Variants in FBXL5 observed in about 807,000 individuals in gnomAD.
FBXL5 encodes F-box and leucine rich repeat protein 5.
FBXL5 carries 26 observed loss-of-function variants against 78.3 expected under a neutral mutation model. The ratio of observed to expected loss-of-function variants is 0.33; its 90% CI spans 0.24 to 0.46. FBXL5 has a LOEUF of 0.46. FBXL5 is among the 20% of genes least tolerant of loss of function. FBXL5 has a pLI of 1.00. For synonymous variants in FBXL5, 295 were observed against 282.5 expected (o/e 1.04, Z -0.45); for missense variants, 710 against 829.2 (o/e 0.86, Z 1.77).
chr4:15,612,974 G>A (rs935157255), intron 9 of FBXL5, among the ~76,000 whole-genome samples: 1 of 152,106 alleles, frequency 6.6e-6, no homozygotes, highest in Non-Finnish European at 1.5e-5. Context: ...CTAATAAATG[G>A]ATAAATAAAA....
chr4:15,647,701 T>C (rs1010700975), intron 1 of FBXL5, among the ~76,000 whole-genome samples: 2 of 152,200 alleles, frequency 1.3e-5, no homozygotes, highest in African/African-American at 4.8e-5. Flanking sequence ...AGAATCTATA[T>C]CCAGCTAACC....
At chr4:15,642,020 T>A (rs115690300) in intron 2 of FBXL5, among the ~76,000 whole-genome samples, 13,474 of 151,308 alleles carry the variant, frequency 0.089, 765 homozygotes, top group Non-Finnish European at 0.12. Flanking sequence ...AGAGCAAGAC[T>A]CTGTCTTAAA....
chr4:15,637,901 T>C (rs990765092), intron 4 of FBXL5, among the ~76,000 whole-genome samples: 6 of 135,998 alleles, frequency 4.4e-5, no homozygotes, highest in Non-Finnish European at 8.1e-5. Flanking sequence ...ACTAGTTTTT[T>C]TAAAAAAAAA....
intron 9 of FBXL5, among the ~76,000 whole-genome samples, chr4:15,620,586 G>A (rs1176837794): frequency 6.6e-6 from 1 of 152,210 alleles, no homozygotes; most frequent in Non-Finnish European, 1.5e-5. Flanking sequence ...CATAATGCTG[G>A]AAATTCTAGT....
intron 1 of FBXL5, among the ~76,000 whole-genome samples, chr4:15,671,249 G>T (rs1348252601): frequency 6.6e-6 from 1 of 151,650 alleles, no homozygotes; most frequent in African/African-American, 2.4e-5. Context: ...AGGTTGACAG[G>T]GTTTTTCTCT....
chr4:15,676,698 G>A (rs1560254989), intron 1 of FBXL5, among the ~76,000 whole-genome samples: 1 of 151,958 alleles, frequency 6.6e-6, no homozygotes, highest in Non-Finnish European at 1.5e-5. Flanking sequence ...ATTACGGGGG[G>A]GAGGGGGAGG....
chr4:15,627,220 C>T (rs943714590), intron 7 of FBXL5, among the ~76,000 whole-genome samples: 1 of 150,850 alleles, frequency 6.6e-6, no homozygotes, highest in Non-Finnish European at 1.5e-5. Flanking sequence ...CTGCAACCTC[C>T]GCCTTCCGGG....
upstream of FBXL5, among the ~76,000 whole-genome samples, chr4:15,656,883 T>G (rs1329729032): frequency 6.6e-6 from 1 of 152,006 alleles, no homozygotes; most frequent in Non-Finnish European, 1.5e-5. Context: ...GACATTCTAG[T>G]AGTTGCCTAG....
At chr4:15,615,873 C>T (rs548803744) in intron 9 of FBXL5, among the ~76,000 whole-genome samples, 54 of 152,174 alleles carry the variant, frequency 3.5e-4, no homozygotes, top group African/African-American at 1.2e-3. Context: ...ATTGGCAACC[C>T]GCTCAGGTCC....
intron 3 of FBXL5, among the ~76,000 whole-genome samples, chr4:15,639,434 C>T (rs768106220): frequency 4.6e-5 from 7 of 152,212 alleles, no homozygotes; most frequent in Non-Finnish European, 8.8e-5. Context: ...AGACATTTAA[C>T]TTTTCAATAT....
At chr4:15,671,358 A>G (rs1717759097) in intron 1 of FBXL5, among the ~76,000 whole-genome samples, 1 of 152,176 alleles carries the variant, frequency 6.6e-6, no homozygotes, top group Non-Finnish European at 1.5e-5. Context: ...GTCACTTGAA[A>G]ACAGTACCTT....
At chr4:15,647,600 A>G (rs1014143230) in intron 1 of FBXL5, among the ~76,000 whole-genome samples, 1 of 152,228 alleles carries the variant, frequency 6.6e-6, no homozygotes, top group Non-Finnish European at 1.5e-5. Flanking sequence ...TTTAGATCTA[A>G]TAACACATTA....
chr4:15,650,220 G>A (rs944807805), intron 1 of FBXL5, among the ~76,000 whole-genome samples: 7 of 152,166 alleles, frequency 4.6e-5, no homozygotes, highest in Non-Finnish European at 8.8e-5. Flanking sequence ...GAAATCATCT[G>A]CCTCAAAATG....
intron 1 of FBXL5, among the ~76,000 whole-genome samples, chr4:15,649,576 C>T (rs187666666): frequency 6.7e-5 from 6 of 89,516 alleles, no homozygotes; most frequent in African/African-American, 2.5e-4. Context: ...AAGACTACGT[C>T]TCAAAAAAAA....
chr4:15,634,824 A>C (rs999118086), intron 5 of FBXL5, among the ~76,000 whole-genome samples: 7 of 152,176 alleles, frequency 4.6e-5, no homozygotes, highest in Non-Finnish European at 1.0e-4. Flanking sequence ...ATTCCTATCA[A>C]ATCGTGACAT....
At chr4:15,654,213 G>T (rs542974628) in intron 1 of FBXL5, among the ~76,000 whole-genome samples, 3 of 152,304 alleles carry the variant, frequency 2.0e-5, no homozygotes, top group South Asian at 2.1e-4. Context: ...CCTAAAAGTT[G>T]ATTTCTATGC....
At chr4:15,673,984 A>G (rs1402931252) in intron 1 of FBXL5, among the ~76,000 whole-genome samples, 9 of 152,210 alleles carry the variant, frequency 5.9e-5, no homozygotes, top group African/African-American at 1.2e-4. Context: ...ATTGTTTTAT[A>G]TATTTTGTCC....
At chr4:15,653,543 T>C (rs1411373302) in intron 1 of FBXL5, among the ~76,000 whole-genome samples, 2 of 152,108 alleles carry the variant, frequency 1.3e-5, no homozygotes, top group Non-Finnish European at 2.9e-5. Context: ...AAATTTTCCA[T>C]ATAATTTCAG....
intron 1 of FBXL5, among the ~76,000 whole-genome samples, chr4:15,645,436 C>CT (rs1018347930): frequency 1.5e-4 from 22 of 150,948 alleles, no homozygotes; most frequent in Non-Finnish European, 2.1e-4. Flanking sequence ...TTCTTTCTTT[C>CT]TTTTTTTTTG....
Sources: allele counts gnomAD v4.1 joint callset (sites outside exome capture counted in the v4.1 genomes callset), GRCh38; gene constraint gnomAD v4.1.1; transcripts MANE v1.5; gene names NCBI Gene and HGNC (gene_info 2026-07-23, HGNC 2026-07-21).